USP9X: variants seen among roughly 807,000 people sequenced by gnomAD.
The protein encoded by USP9X is ubiquitin specific peptidase 9 X-linked.
In USP9X, 7 loss-of-function variants were observed where a neutral mutation model predicts 190.3. That is an observed-to-expected ratio of 0.04 (90% CI 0.02 to 0.07). The LOEUF (loss-of-function observed/expected upper bound fraction) is 0.07. Among genes scored for constraint, USP9X ranks in the 10% least tolerant of loss-of-function variants. USP9X has a pLI of 1.00. For synonymous variants in USP9X, 645 were observed against 659.5 expected, an observed-to-expected ratio of 0.98 and a Z score of 0.34; for missense variants, 1,010 against 1,916.9, an observed-to-expected ratio of 0.53 and a Z score of 8.83.
chrX:41,178,946 A>C (rs966956641), intron 21 of USP9X, among the ~76,000 whole-genome samples: 2 of 112,131 alleles, frequency 1.8e-5, no homozygotes, highest in Admixed American at 1.9e-4. Context: ...CTGTTTTTGC[A>C]ACACCATTTT....
intron 1 of USP9X, among the ~76,000 whole-genome samples, chrX:41,105,202 T>A (rs1150527): frequency 9.0e-6 from 1 of 111,286 alleles, no homozygotes; most frequent in Non-Finnish European, 1.9e-5. Flanking sequence ...GTGGCCTGAC[T>A]AAGCCAAGAA....
chrX:41,215,701 A>G (rs973859960), intron 34 of USP9X, among the ~76,000 whole-genome samples, 198 bp from the exon 35 acceptor site: 2 of 112,579 alleles, frequency 1.8e-5, no homozygotes, highest in Admixed American at 9.4e-5. Flanking sequence ...CCAGTCAACA[A>G]TTTACCATTT....
chrX:41,176,421 A>G (rs1233100010), intron 21 of USP9X, among the ~76,000 whole-genome samples: 1 of 111,722 alleles, frequency 9.0e-6, no homozygotes, highest in African/African-American at 3.3e-5. Flanking sequence ...TCCTCAGGAG[A>G]TAGTAAAAAG....
At chrX:41,177,732 C>G (rs920352989) in intron 21 of USP9X, among the ~76,000 whole-genome samples, 2 of 111,892 alleles carry the variant, frequency 1.8e-5, no homozygotes, top group Non-Finnish European at 3.8e-5. Flanking sequence ...GTCATCCTTT[C>G]TACATTTATT....
Position 41,201,142 on chromosome X carries a change from C to G in USP9X, c.4686C>G (p.Ala1562=), listed in dbSNP as rs1262964716. Residue 1562 remains alanine, a synonymous_variant, in exon 31 of 45, where the codon GCC becomes GCG. Transcript: ENST00000378308. The part of the protein sequence containing the change: ...PPKGFVGLKN[A]GATCYMNSVI... The stretch of plus-strand genomic sequence containing the variant: ...AAGGATTCGTGGGGCTGAAAAATGC[C>G]GGTGCTACTTGTTACATGAATTCTG... 1.7e-6 allele frequency: 2 copies of G among 1,209,673 alleles called. No homozygotes were observed. The highest frequency in any genetic ancestry group is 2.2e-6 in the Non-Finnish European group (2 of 895,206).
chrX:41,217,154 A>G, intron 35 of USP9X, 66 bp from the exon 36 acceptor site: 1 of 1,135,317 alleles, frequency 8.8e-7, no homozygotes, highest in Non-Finnish European at 1.2e-6. Context: ...TAATGGAAAC[A>G]CAGACTTGTT....
chrX:41,165,171 GGTT>G (rs3080131), intron 15 of USP9X, among the ~76,000 whole-genome samples: 45,958 of 109,719 alleles, frequency 0.42, 7,189 homozygotes, highest in East Asian at 0.51. Context: ...TCTTTTTTCT[GGTT>G]GTTGTTGTTG....
In USP9X at chrX:41,137,034, TGTTA is replaced by T. The variant is rs776631753; in HGVS notation, c.654+13_654+16del. 4 of 1,194,555 alleles carry T rather than the reference TGTTA, an allele frequency of 3.3e-6. No individual in the cohort carries two copies. On this transcript the variant is annotated intron_variant, in intron 6 of 44. Transcript: ENST00000378308. ...CTCGATCACCAAAGGTGTGTTGGTT[TGTTA>T]TTTTCAAAATTAAATAATACAATTG...
At chrX:41,097,762 T>C (rs1043924306) in intron 1 of USP9X, among the ~76,000 whole-genome samples, 2 of 111,691 alleles carry the variant, frequency 1.8e-5, no homozygotes, top group African/African-American at 3.3e-5. Flanking sequence ...ATACGTCATA[T>C]AGCCTTTGGA....
At chrX:41,093,196 C>T (rs1292104303) in intron 1 of USP9X, among the ~76,000 whole-genome samples, 1 of 111,874 alleles carries the variant, frequency 8.9e-6, no homozygotes, top group Non-Finnish European at 1.9e-5. Context: ...ATGTTAACAA[C>T]TCTGAACCTC....
chrX:41,214,487 G>A, intron 33 of USP9X, 81 bp from the exon 34 acceptor site: 2 of 931,346 alleles, frequency 2.1e-6, no homozygotes, highest in Non-Finnish European at 2.8e-6. Flanking sequence ...AAAAAAAAAA[G>A]GCAAATGTAG....
intron 5 of USP9X, 52 bp downstream of exon 5, chrX:41,134,889 G>A: frequency 1.1e-6 from 1 of 937,734 alleles, no homozygotes. Context: ...TGATGCCTGT[G>A]AGTGGGAAGA....
chrX:41,117,671 G>T (rs1253415294), intron 1 of USP9X, among the ~76,000 whole-genome samples: 1 of 102,415 alleles, frequency 9.8e-6, no homozygotes, highest in Non-Finnish European at 2.0e-5. Context: ...TCTGCCTCCT[G>T]GGTTCACGCC....
intron 31 of USP9X, among the ~76,000 whole-genome samples, chrX:41,203,070 A>G (rs752541607): frequency 1.8e-5 from 2 of 112,241 alleles, no homozygotes; most frequent in Non-Finnish European, 3.8e-5. Flanking sequence ...GAGAATACTG[A>G]AAGATAGTTA....
intron 6 of USP9X, 104 bp downstream of exon 6, chrX:41,137,126 T>G (rs921135813): frequency 1.3e-6 from 1 of 772,808 alleles, no homozygotes; most frequent in Non-Finnish European, 1.8e-6. Context: ...AATAACACTT[T>G]AAATGAAAAT....
At position 41,232,772 on chromosome X, in the gene USP9X, A is replaced by G. The variant is rs1283536633; in HGVS notation, c.*248A>G. The G allele has an allele frequency of 4.4e-6, 1 of 225,943 alleles. No individual in the cohort carries two copies. Among genetic ancestry groups the G allele is most frequent in the Middle Eastern group, 1.4e-3 (1 of 708 alleles). The allele number at this position is 225,943 out of a possible 1,213,427, so 18.6% of individuals were successfully genotyped here. On this transcript the variant is annotated 3_prime_UTR_variant, in exon 45 of 45. Coordinates refer to ENST00000378308, the MANE Select transcript of USP9X (RefSeq NM_001039591.3). ...TGTAAATGGCAAAGGTGTATATAGTATATTAATGTTGACTGTTAATTCTTA... is the reference window on the plus strand; with the variant it reads ...TGTAAATGGCAAAGGTGTATATAGTGTATTAATGTTGACTGTTAATTCTTA...
At chrX:41,099,035 T>A (rs1260967328) in intron 1 of USP9X, among the ~76,000 whole-genome samples, 1 of 104,217 alleles carries the variant, frequency 9.6e-6, no homozygotes, top group Non-Finnish European at 1.9e-5. Flanking sequence ...TAGCGATTCC[T>A]CCCACCTCTG....
intron 1 of USP9X, among the ~76,000 whole-genome samples, chrX:41,117,719 A>C (rs1331163723): frequency 9.4e-6 from 1 of 106,719 alleles, no homozygotes; most frequent in Non-Finnish European, 1.9e-5. Context: ...CTGGGACTAC[A>C]GGCGCCCGCT....
chrX:41,170,135 A>G lies in USP9X; in HGVS notation c.2777A>G (p.Asn926Ser). The change falls in exon 19 of 45, where the codon AAC (asparagine) becomes AGC (serine). Residue 926 changes from asparagine to serine, a missense_variant. By Grantham distance (46) the Asn-to-Ser change is conservative. This residue lies in a region of USP9X where 351 missense variants were observed against 480.8 expected (regional missense o/e 0.73). Transcript: ENST00000378308. ...TGTATTCTCAATCGTATTAAAGCCA[A>G]CGTAGCCCATACAAAAATTGAGCTC... The part of the protein sequence containing the change: ...RRCILNRIKA[N>S]VAHTKIELFV... 1.7e-6 allele frequency: 2 copies of G among 1,211,944 alleles called. No individual in the cohort carries two copies. The highest frequency in any genetic ancestry group is 2.2e-6 in the Non-Finnish European group (2 of 895,566).
Sources: allele counts gnomAD v4.1 joint callset (sites outside exome capture counted in the v4.1 genomes callset), GRCh38; gene constraint gnomAD v4.1.1; regional missense constraint gnomAD v4.1.1; transcripts MANE v1.5; gene names NCBI Gene and HGNC (gene_info 2026-07-23, HGNC 2026-07-21).